The following IGF1R variants were observed in gnomAD, a reference collection of about 807,000 sequenced individuals.
The protein encoded by IGF1R is insulin like growth factor 1 receptor.
IGF1R carries 44 observed loss-of-function variants against 144.6 expected under a neutral mutation model. The ratio of observed to expected loss-of-function variants is 0.30; its 90% CI spans 0.24 to 0.39. The LOEUF is 0.39. Ranked by LOEUF, IGF1R falls within the 10% of genes least tolerant of loss-of-function variation. IGF1R has a pLI of 1.00. For missense variants in IGF1R, 1,355 were observed against 1,833.7 expected (o/e 0.74, Z 4.77); for synonymous variants, 795 against 722.8 (o/e 1.10, Z -1.60).
chr15:98,788,214 G>A (rs1301183679), intron 2 of IGF1R, among the ~76,000 whole-genome samples: 6 of 152,168 alleles, frequency 3.9e-5, no homozygotes, highest in Non-Finnish European at 8.8e-5. Flanking sequence ...AAAGCATCAA[G>A]TTGTATGCAT....
intron 2 of IGF1R, among the ~76,000 whole-genome samples, chr15:98,726,723 T>A (rs1236241485): frequency 6.9e-6 from 1 of 144,874 alleles, no homozygotes; most frequent in African/African-American, 2.7e-5. Flanking sequence ...TTTTTTTTTT[T>A]TTTTTTTTTT....
At chr15:98,713,076 C>A (rs563882425) in intron 2 of IGF1R, among the ~76,000 whole-genome samples, 28 of 152,076 alleles carry the variant, frequency 1.8e-4, no homozygotes, top group Non-Finnish European at 3.4e-4. Context: ...CTGCTGTGTC[C>A]TTGGCCCCAG....
chr15:98,653,577 C>T (rs955082131), intron 1 of IGF1R, among the ~76,000 whole-genome samples: 1 of 152,124 alleles, frequency 6.6e-6, no homozygotes, highest in African/African-American at 2.4e-5. Context: ...TTCAAGTATA[C>T]AGTGATTTTT....
At chr15:98,738,130 T>G (rs1281474833) in intron 2 of IGF1R, among the ~76,000 whole-genome samples, 1 of 152,222 alleles carries the variant, frequency 6.6e-6, no homozygotes, top group Non-Finnish European at 1.5e-5. Flanking sequence ...TATCTAAACT[T>G]ATTCAGAGAG....
At chr15:98,655,492 T>C (rs564908077) in intron 1 of IGF1R, among the ~76,000 whole-genome samples, 110 of 152,278 alleles carry the variant, frequency 7.2e-4, no homozygotes, top group African/African-American at 2.6e-3. Context: ...GAAATAGTCG[T>C]TTTCCCTCCC....
chr15:98,927,421 G>T (rs2015765064), intron 13 of IGF1R, among the ~76,000 whole-genome samples: 1 of 152,134 alleles, frequency 6.6e-6, no homozygotes, highest in Non-Finnish European at 1.5e-5. Flanking sequence ...ATAATCTCAG[G>T]TCTTTTGGCC....
chr15:98,699,651 C>T (rs966986663), intron 1 of IGF1R, among the ~76,000 whole-genome samples: 14 of 152,132 alleles, frequency 9.2e-5, no homozygotes, highest in East Asian at 1.9e-4. Context: ...TTTGAATTCC[C>T]GTTAAAGTTT....
intron 20 of IGF1R, chr15:98,952,652 T>C (rs561954742): frequency 1.8e-4 from 27 of 152,290 alleles, no homozygotes; most frequent in African/African-American, 6.3e-4. Flanking sequence ...AAGAGACTTG[T>C]GGGATTCTTA....
chr15:98,753,254 G>A lies in IGF1R; in HGVS notation c.640+45147G>A, dbSNP rs2055063196. Among the ~76,000 whole-genome samples the A allele has an allele frequency of 1.3e-5, 2 of 149,370 alleles. 1 individual carries two copies. The highest frequency in any genetic ancestry group is 4.3e-4 in the South Asian group (2 of 4,702). On this transcript the variant is annotated intron_variant, in intron 2 of 20. Coordinates refer to ENST00000650285, the MANE Select transcript of IGF1R (RefSeq NM_000875.5). ...CCTTTTTTTTTTTTTAAATAAAGAG[G>A]GTCTCAGGCTGGCGTGCAGTGGCAC...
At chr15:98,870,003 C>G (rs542881389) in intron 2 of IGF1R, among the ~76,000 whole-genome samples, 17 of 152,250 alleles carry the variant, frequency 1.1e-4, no homozygotes, top group Middle Eastern at 3.4e-3. Context: ...CCTGGGAACA[C>G]AGTGAAAAAA....
At chr15:98,667,102 A>G (rs2141188460) in intron 1 of IGF1R, among the ~76,000 whole-genome samples, 1 of 152,184 alleles carries the variant, frequency 6.6e-6, no homozygotes, top group South Asian at 2.1e-4. Flanking sequence ...GTCAGATGGA[A>G]TGGGTCTGTT....
At chr15:98,730,192 C>T (rs1159624757) in intron 2 of IGF1R, among the ~76,000 whole-genome samples, 1 of 151,846 alleles carries the variant, frequency 6.6e-6, no homozygotes. Flanking sequence ...CACCTCACCT[C>T]TCTTGGAAAG....
intron 2 of IGF1R, among the ~76,000 whole-genome samples, chr15:98,727,847 G>A (rs992570320): frequency 2.6e-5 from 4 of 152,098 alleles, no homozygotes; most frequent in African/African-American, 9.7e-5. Context: ...CTGTCACCCC[G>A]AAGGAATGCG....
At chr15:98,685,774 A>G in intron 1 of IGF1R, among the ~76,000 whole-genome samples, 1 of 151,866 alleles carries the variant, frequency 6.6e-6, no homozygotes. Flanking sequence ...GCGGCTCACC[A>G]CTCCACCGCA....
chr15:98,831,868 G>A (rs906700844), intron 2 of IGF1R, among the ~76,000 whole-genome samples: 5 of 152,130 alleles, frequency 3.3e-5, no homozygotes, highest in African/African-American at 1.2e-4. Flanking sequence ...TCTTGAGCTG[G>A]TGGATGGCAG....
intron 1 of IGF1R, among the ~76,000 whole-genome samples, chr15:98,655,116 G>C (rs779631195): frequency 6.6e-6 from 1 of 152,142 alleles, no homozygotes; most frequent in Non-Finnish European, 1.5e-5. Flanking sequence ...CCATCCCCGA[G>C]GGTCTGGAAA....
chr15:98,926,253 G>A (rs2015713182), intron 13 of IGF1R, among the ~76,000 whole-genome samples: 1 of 152,192 alleles, frequency 6.6e-6, no homozygotes, highest in African/African-American at 2.4e-5. Context: ...TTCTGATAAT[G>A]CGGAATCTAA....
At chr15:98,697,756 G>A (rs1056010383) in intron 1 of IGF1R, among the ~76,000 whole-genome samples, 2 of 152,094 alleles carry the variant, frequency 1.3e-5, no homozygotes, top group African/African-American at 4.8e-5. Context: ...TTTTTTTATT[G>A]AGACAGGATC....
chr15:98,928,503 A>T (rs1369072012), intron 13 of IGF1R, among the ~76,000 whole-genome samples: 1 of 152,188 alleles, frequency 6.6e-6, no homozygotes, highest in Non-Finnish European at 1.5e-5. Context: ...CTGCAGAATG[A>T]GGGTGAAACT....
Sources: allele counts gnomAD v4.1 joint callset (sites outside exome capture counted in the v4.1 genomes callset), GRCh38; gene constraint gnomAD v4.1.1; transcripts MANE v1.5; gene names NCBI Gene and HGNC (gene_info 2026-07-23, HGNC 2026-07-21).